The following HMGCLL1 variants were observed in gnomAD, a reference collection of about 807,000 sequenced individuals.
HMGCLL1 encodes the protein 3-hydroxymethyl-3-methylglutaryl-CoA lyase, cytoplasmic.
In HMGCLL1, 36 loss-of-function variants were observed where a neutral mutation model predicts 39.1. The ratio of observed to expected loss-of-function variants is 0.92; its 90% CI spans 0.71 to 1.22. HMGCLL1 has a LOEUF of 1.22. HMGCLL1 is among the 50% of genes most tolerant of loss of function. HMGCLL1 has a pLI of 0.00. For synonymous variants in HMGCLL1, 149 were observed against 144.0 expected, an observed-to-expected ratio of 1.03 and a Z score of -0.25; for missense variants, 451 against 416.5, an observed-to-expected ratio of 1.08 and a Z score of -0.72.
intron 3 of HMGCLL1, among the ~76,000 whole-genome samples, chr6:55,539,387 TGTGAA>T (rs1291048907): frequency 6.6e-6 from 1 of 152,146 alleles, no homozygotes; most frequent in Non-Finnish European, 1.5e-5. Context: ...GACACATGCA[TGTGAA>T]TGTTCATTGC....
At chr6:55,663,947 CTTTG>C in the HMGCLL1 span, among the ~76,000 whole-genome samples, 2 of 151,742 alleles carry the variant, frequency 1.3e-5, no homozygotes, top group Non-Finnish European at 1.5e-5. Context: ...CTGTTTTGAT[CTTTG>C]TTTGTTTAAA....
At chr6:55,569,912 C>G (rs1771391993) in intron 1 of HMGCLL1, among the ~76,000 whole-genome samples, 1 of 152,122 alleles carries the variant, frequency 6.6e-6, no homozygotes, top group Non-Finnish European at 1.5e-5. Context: ...TGTGAACAGC[C>G]TTAAGCTTTC....
At position 55,453,455 on chromosome 6, in the gene HMGCLL1, G is replaced by A. The variant is rs139923994; in HGVS notation, c.796-13896C>T. 4.7e-3 allele frequency among the ~76,000 whole-genome samples: 719 copies of A among 152,266 alleles called. 16 individuals are homozygous for A. Among genetic ancestry groups the A allele is most frequent in the African/African-American group, 0.015 (641 of 41,540 alleles). On this transcript the variant is annotated intron_variant, in intron 7 of 8. Transcript: ENST00000274901. ...TGGGATTACAGGCGTGAGCCACCGCGCCTGGCCAGAAGATTTTAATGAGAT... is the reference window on the plus strand; with the variant it reads ...TGGGATTACAGGCGTGAGCCACCGCACCTGGCCAGAAGATTTTAATGAGAT...
chr6:55,575,556 A>C (rs1188695642), intron 1 of HMGCLL1, among the ~76,000 whole-genome samples: 1 of 152,142 alleles, frequency 6.6e-6, no homozygotes, highest in Non-Finnish European at 1.5e-5. Context: ...TATTGCACAC[A>C]CATAATTATT....
chr6:55,543,532 G>A (rs1561951800), intron 1 of HMGCLL1, among the ~76,000 whole-genome samples: 1 of 101,316 alleles, frequency 9.9e-6, no homozygotes, highest in African/African-American at 3.7e-5. Context: ...ATTTTTATGT[G>A]TATATATATA....
At chr6:55,639,505 A>G in the HMGCLL1 span, among the ~76,000 whole-genome samples, 1 of 151,722 alleles carries the variant, frequency 6.6e-6, no homozygotes, top group Non-Finnish European at 1.5e-5. Flanking sequence ...GAAGACAGGC[A>G]TATTTATTTT....
chr6:55,554,402 T>C (rs568029924), intron 1 of HMGCLL1, among the ~76,000 whole-genome samples: 21 of 152,138 alleles, frequency 1.4e-4, no homozygotes, highest in South Asian at 1.0e-3. Context: ...GGCAGATGAA[T>C]AGTTAGACAT....
chr6:55,514,259 A>G (rs1379575091), intron 4 of HMGCLL1, 63 bp from the exon 5 acceptor site: 3 of 1,293,570 alleles, frequency 2.3e-6, no homozygotes, highest in Non-Finnish European at 3.2e-6. Flanking sequence ...ACAGTGGTAG[A>G]ATAAAGATTA....
At chr6:55,613,835 C>T in the HMGCLL1 span, among the ~76,000 whole-genome samples, 4 of 151,966 alleles carry the variant, frequency 2.6e-5, no homozygotes, top group Non-Finnish European at 4.4e-5. Flanking sequence ...GGACTTAATA[C>T]CAAGGTGATG....
At chr6:55,585,292 G>T in the HMGCLL1 span, among the ~76,000 whole-genome samples, 2 of 152,028 alleles carry the variant, frequency 1.3e-5, no homozygotes, top group Non-Finnish European at 2.9e-5. Flanking sequence ...AATTCAGAAG[G>T]ATCCAAAAGC....
intron 8 of HMGCLL1, among the ~76,000 whole-genome samples, chr6:55,437,614 G>A (rs1763423720): frequency 6.6e-6 from 1 of 151,948 alleles, no homozygotes; most frequent in Admixed American, 6.6e-5. Context: ...CATTAACCCT[G>A]GAAAAGGTAA....
chr6:55,540,177 G>C (rs913844619), intron 3 of HMGCLL1, among the ~76,000 whole-genome samples: 7 of 152,036 alleles, frequency 4.6e-5, no homozygotes, highest in African/African-American at 1.7e-4. Context: ...CCATTTAAGG[G>C]ACTACTGTAA....
intron 3 of HMGCLL1, among the ~76,000 whole-genome samples, chr6:55,532,678 G>A (rs1768751075): frequency 6.6e-6 from 1 of 151,838 alleles, no homozygotes; most frequent in South Asian, 2.1e-4. Flanking sequence ...GTGGGCACCT[G>A]TAATCCCAGC....
At chr6:55,629,577 A>G in the HMGCLL1 span, among the ~76,000 whole-genome samples, 2 of 152,172 alleles carry the variant, frequency 1.3e-5, no homozygotes, top group Non-Finnish European at 2.9e-5. Flanking sequence ...ACAATGGGGA[A>G]AATATCTCCA....
intron 3 of HMGCLL1, among the ~76,000 whole-genome samples, chr6:55,530,527 G>C (rs1768602487): frequency 6.6e-6 from 1 of 151,838 alleles, no homozygotes; most frequent in Non-Finnish European, 1.5e-5. Context: ...ATTTTTAAAA[G>C]CAAAATAAAA....
the HMGCLL1 span, among the ~76,000 whole-genome samples, chr6:55,618,645 C>T: frequency 6.6e-6 from 1 of 151,820 alleles, no homozygotes; most frequent in Non-Finnish European, 1.5e-5. Flanking sequence ...ATCTTAAGAG[C>T]TTACAGAGAG....
the HMGCLL1 span, among the ~76,000 whole-genome samples, chr6:55,671,285 G>C: frequency 6.6e-6 from 1 of 151,764 alleles, no homozygotes. Context: ...ATTAGTTGGA[G>C]AGATTTGAAG....
In HMGCLL1 at chr6:55,487,783, C is replaced by T. The variant is rs1331064174; in HGVS notation, c.795+7636G>A. 2.0e-5 allele frequency among the ~76,000 whole-genome samples: 3 copies of T among 151,792 alleles called. No individual in the cohort carries two copies. The East Asian group carries it at 5.8e-4, about 29-fold the overall frequency. ...TAACACAAAGCGTTAATCAAATGAT[C>T]CCTGATTAAAAACCTCCAGTAGCTG... On this transcript the variant is annotated intron_variant, in intron 7 of 8. Coordinates refer to ENST00000274901, the MANE Select transcript of HMGCLL1 (RefSeq NM_001042406.2).
chr6:55,455,548 G>A (rs1053399715), intron 7 of HMGCLL1, among the ~76,000 whole-genome samples: 3 of 152,154 alleles, frequency 2.0e-5, no homozygotes, highest in African/African-American at 7.2e-5. Context: ...CATGGTTGAG[G>A]CAATTGTGGA....
Sources: gnomAD v4.1 joint callset for allele counts (sites outside exome capture counted in the v4.1 genomes callset) on GRCh38, gnomAD v4.1.1 for gene constraint, MANE v1.5 for transcripts, NCBI Gene and HGNC (gene_info 2026-07-23, HGNC 2026-07-21) for gene names.